The following ALS2 variants were observed in gnomAD, a reference collection of about 807,000 sequenced individuals.
ALS2 encodes the protein alsin.
Under a neutral mutation model 203.4 loss-of-function variants are expected in ALS2, and 117 were observed. The observed-to-expected ratio is 0.58, with a 90% CI of 0.50 to 0.67. ALS2 has a LOEUF of 0.67. Among genes scored for constraint, ALS2 ranks in the 30% least tolerant of loss-of-function variants. The probability of loss-of-function intolerance (pLI) is 0.00; values close to 1 mark genes in which losing one functional copy is unlikely to be tolerated. For missense variants in ALS2, 1,715 were observed against 1,989.4 expected, an observed-to-expected ratio of 0.86 and a Z score of 2.62; for synonymous variants, 718 against 725.9, an observed-to-expected ratio of 0.99 and a Z score of 0.17.
chr2:201,771,322 C>T (rs967648524), intron 1 of ALS2, among the ~76,000 whole-genome samples: 3 of 152,150 alleles, frequency 2.0e-5, no homozygotes, highest in Non-Finnish European at 4.4e-5. Context: ...GCTGGGATTA[C>T]AGGTATGAGC....
In ALS2 at chr2:201,761,472, C is replaced by T; in HGVS notation, c.522G>A (p.Trp174Ter). ...TGAGACCCAACTGACAACCGGTACC[C>T]CATGCCCAAATCTCTCTGCTTATTG... is the stretch of plus-strand genomic sequence containing the variant. ...ALSISREIWA[W>*]GTGCQLGLIT... The change falls in exon 4 of 34, where the codon TGG (tryptophan) becomes TGA (stop). Residue 174 changes from tryptophan (W) to a stop codon, truncating the protein, a stop_gained. Coordinates refer to ENST00000264276, the MANE Select transcript of ALS2 (RefSeq NM_020919.4). LOFTEE classifies it high-confidence loss of function. The T allele has an allele frequency of 6.2e-7, 1 of 1,608,972 alleles. No homozygotes were observed. Among genetic ancestry groups the T allele is most frequent in the Non-Finnish European group, 8.5e-7 (1 of 1,175,704 alleles).
intron 29 of ALS2, 23 bp from the exon 30 acceptor site, chr2:201,705,484 T>C (rs758244958): frequency 1.4e-5 from 22 of 1,587,808 alleles, no homozygotes; most frequent in Non-Finnish European, 1.6e-5. Flanking sequence ...CCATAAATTA[T>C]TAATATAAGT....
chr2:201,777,352 T>C (rs1334702560), intron 1 of ALS2, among the ~76,000 whole-genome samples: 1 of 152,008 alleles, frequency 6.6e-6, no homozygotes, highest in African/African-American at 2.4e-5. Context: ...CTTTACATAG[T>C]GGAGCTGCAC....
At chr2:201,702,091 T>C (rs1469627741) in intron 33 of ALS2, among the ~76,000 whole-genome samples, 2 of 149,322 alleles carry the variant, frequency 1.3e-5, no homozygotes, top group African/African-American at 5.0e-5. Context: ...GTAATTAGTA[T>C]AGACAAAATT....
At chr2:201,732,650 G>A (rs944354137) in intron 13 of ALS2, among the ~76,000 whole-genome samples, 5 of 152,158 alleles carry the variant, frequency 3.3e-5, no homozygotes, top group African/African-American at 1.2e-4. Flanking sequence ...GCCTTTCAGG[G>A]TAGAAACAAA....
chr2:201,763,538 A>C (rs1693886426), intron 3 of ALS2: 1 of 323,328 alleles, frequency 3.1e-6, no homozygotes, highest in Admixed American at 3.9e-5. Context: ...CAGAGTCTCC[A>C]GACAGAGGAC....
intron 3 of ALS2, chr2:201,763,196 G>C: frequency 4.8e-6 from 1 of 207,360 alleles, no homozygotes; most frequent in South Asian, 8.5e-5. Context: ...CGTGCACAGA[G>C]GCTACTGGGG....
chr2:201,762,295 C>T (rs777778819), intron 3 of ALS2, among the ~76,000 whole-genome samples: 4 of 152,166 alleles, frequency 2.6e-5, no homozygotes, highest in African/African-American at 9.7e-5. Context: ...AAAATATTAG[C>T]GATTCATTTT....
intron 2 of ALS2, among the ~76,000 whole-genome samples, chr2:201,768,633 T>C (rs1342662683): frequency 1.3e-5 from 2 of 152,166 alleles, no homozygotes; most frequent in East Asian, 3.8e-4. Flanking sequence ...GAGGGAAAAA[T>C]GGCTACAAGC....
intron 12 of ALS2, among the ~76,000 whole-genome samples, chr2:201,736,257 T>C (rs893467449): frequency 6.6e-6 from 1 of 152,136 alleles, no homozygotes; most frequent in African/African-American, 2.4e-5. Context: ...AGATCAAGAA[T>C]TTTAAAGTTA....
chr2:201,740,117 G>T (rs897251994), intron 11 of ALS2, among the ~76,000 whole-genome samples: 7 of 151,898 alleles, frequency 4.6e-5, no homozygotes, highest in Non-Finnish European at 8.8e-5. Flanking sequence ...TTATGCCCAG[G>T]AGTTTGAGAC....
At chr2:201,759,048 T>C (rs1446497613) in intron 4 of ALS2, among the ~76,000 whole-genome samples, 1 of 152,186 alleles carries the variant, frequency 6.6e-6, no homozygotes, top group East Asian at 1.9e-4. Flanking sequence ...TGTCACTATG[T>C]CCACTTTTTG....
In ALS2 at chr2:201,704,557, A is replaced by C; in HGVS notation, c.4735T>G (p.Phe1579Val). The C allele has an allele frequency of 6.2e-7, 1 of 1,614,164 alleles. No individual in the cohort carries two copies. The highest frequency in any genetic ancestry group is 8.5e-7 in the Non-Finnish European group (1 of 1,180,012). ...SDKLKVIQQT[F>V]EEISQSVLAS... ...AGGACACTCTGAGAGATCTCCTCAA[A>C]AGTCTGCTGGATGACCTTAAGTTTG... The change falls in exon 32 of 34, where the codon TTT becomes GTT. Residue 1579 changes from phenylalanine to valine, a missense_variant. Coordinates refer to ENST00000264276, the MANE Select transcript of ALS2 (RefSeq NM_020919.4).
chr2:201,725,186 G>T (rs974537264), intron 20 of ALS2, among the ~76,000 whole-genome samples, 170 bp downstream of exon 20: 3 of 151,734 alleles, frequency 2.0e-5, no homozygotes, highest in Non-Finnish European at 4.4e-5. Context: ...TAGATGAGGG[G>T]TTAACCTTTA....
chr2:201,717,964 A>C, intron 24 of ALS2, 113 bp downstream of exon 24: 1 of 1,090,166 alleles, frequency 9.2e-7, no homozygotes, highest in Non-Finnish European at 1.3e-6. Flanking sequence ...AATAAAATAA[A>C]AAAGAAGACT....
At chr2:201,773,510 AGAGT>A (rs1265900209) in intron 1 of ALS2, among the ~76,000 whole-genome samples, 1 of 152,222 alleles carries the variant, frequency 6.6e-6, no homozygotes, top group Non-Finnish European at 1.5e-5. Flanking sequence ...GAAATGGGCA[AGAGT>A]GAGGGAGATA....
chr2:201,709,784 T>C, intron 27 of ALS2, 97 bp downstream of exon 27: 1 of 1,475,134 alleles, frequency 6.8e-7, no homozygotes, highest in Non-Finnish European at 9.4e-7. Flanking sequence ...GACTGTGGCA[T>C]AAAACTATTT....
chr2:201,734,101 A>T (rs1468972516), intron 12 of ALS2, among the ~76,000 whole-genome samples: 1 of 152,174 alleles, frequency 6.6e-6, no homozygotes, highest in Admixed American at 6.5e-5. Flanking sequence ...CATTGTTAAA[A>T]TTTTATTCCA....
At chr2:201,738,414 C>A in intron 12 of ALS2, 1 of 499,416 alleles carries the variant, frequency 2.0e-6, no homozygotes, top group Non-Finnish European at 3.6e-6. Flanking sequence ...GAGAGTTGTC[C>A]AAAGTCTCAA....
Sources: allele counts gnomAD v4.1 joint callset (sites outside exome capture counted in the v4.1 genomes callset), GRCh38; gene constraint gnomAD v4.1.1; transcripts MANE v1.5; gene names NCBI Gene and HGNC (gene_info 2026-07-23, HGNC 2026-07-21).